Variants in ERMAP observed in about 807,000 individuals in gnomAD.
ERMAP encodes erythroid membrane-associated protein.
ERMAP carries 34 observed loss-of-function variants against 49.5 expected under a neutral mutation model. That is an observed-to-expected ratio of 0.69 (90% CI 0.52 to 0.91). ERMAP has a LOEUF of 0.91. ERMAP is among the 40% of genes least tolerant of loss of function. The pLI, the probability that ERMAP is intolerant of heterozygous loss-of-function variation, is 0.00. For missense variants in ERMAP, 541 were observed against 582.6 expected (o/e 0.93, Z 0.74); for synonymous variants, 214 against 232.2 (o/e 0.92, Z 0.71).
chr1:42,819,763 C>CTTTTTTTTTTTTTTTTTTTTT lies in ERMAP; in HGVS notation c.-122+2522_-122+2523insTTTTTTTTTTTTTTTTTTTTT, dbSNP rs374844500. 6.9e-6 allele frequency among the ~76,000 whole-genome samples: 1 copy of CTTTTTTTTTTTTTTTTTTTTT among 145,376 alleles called. No individual in the cohort carries two copies. ...TGTGAACCAGGTCATTTACCAGTGTCTTTTTTTTTTTTCTTGGCAGCATCC... is the reference window on the plus strand; with the variant it reads ...TGTGAACCAGGTCATTTACCAGTGTCTTTTTTTTTTTTTTTTTTTTTTTTTTTTTTTTTCTTGGCAGCATCC... On this transcript the variant is annotated intron_variant, in intron 1 of 11. Transcript: ENST00000372517. The surrounding 1 kb of genome is among the most constrained non-coding windows in gnomAD (Gnocchi z 5.1).
intron 2 of ERMAP, among the ~76,000 whole-genome samples, chr1:42,829,693 G>A (rs1042591389): frequency 6.6e-6 from 1 of 152,168 alleles, no homozygotes; most frequent in Non-Finnish European, 1.5e-5. Context: ...CAGTTGTTCT[G>A]CCAGGCATTT....
At chr1:42,821,254 G>A (rs1654399222) in intron 1 of ERMAP, among the ~76,000 whole-genome samples, 1 of 152,144 alleles carries the variant, frequency 6.6e-6, no homozygotes, top group African/African-American at 2.4e-5. Context: ...ATCATTTTGG[G>A]AGGTAACAGA....
chr1:42,833,881 C>T (rs1221329760), intron 4 of ERMAP, among the ~76,000 whole-genome samples: 3 of 152,080 alleles, frequency 2.0e-5, no homozygotes, highest in African/African-American at 7.2e-5. Flanking sequence ...ATCCTTGAAA[C>T]GAACTGGAGA....
intron 1 of ERMAP, among the ~76,000 whole-genome samples, chr1:42,820,518 C>T (rs77755380): frequency 0.026 from 3,952 of 152,068 alleles, 72 homozygotes; most frequent in Non-Finnish European, 0.039. Flanking sequence ...AGCTGCTGCA[C>T]CCAGCCAGTT....
chr1:42,826,653 C>T (rs1654560221), intron 2 of ERMAP, among the ~76,000 whole-genome samples: 2 of 151,950 alleles, frequency 1.3e-5, no homozygotes, highest in African/African-American at 2.4e-5. Context: ...GTCAGGAGTT[C>T]GAGACCATCC....
chr1:42,825,535 C>T (rs904494375), intron 1 of ERMAP, 88 bp from the exon 2 acceptor site: 4 of 1,205,552 alleles, frequency 3.3e-6, no homozygotes, highest in Non-Finnish European at 4.2e-6. Flanking sequence ...TTTACAGGGA[C>T]AGCGAGAAGG....
intron 6 of ERMAP, chr1:42,836,902 T>TAA: frequency 4.2e-5 from 12 of 286,892 alleles, no homozygotes; most frequent in East Asian, 1.9e-4. Flanking sequence ...GGTGGCAGAT[T>TAA]TAAAAAAAAA....
At chr1:42,837,034 C>T (rs532208373) in intron 6 of ERMAP, 124 bp from the exon 7 acceptor site, 69 of 923,894 alleles carry the variant, frequency 7.5e-5, no homozygotes, top group South Asian at 3.4e-4. Flanking sequence ...GATTAGAGAC[C>T]GGATCAGGGA....
At chr1:42,840,611 C>T (rs1182100454) in intron 11 of ERMAP, among the ~76,000 whole-genome samples, 1 of 151,804 alleles carries the variant, frequency 6.6e-6, no homozygotes, top group African/African-American at 2.4e-5. Flanking sequence ...TTGTCTGTTC[C>T]TGTTCTATTT....
At position 42,843,234 on chromosome 1, in the gene ERMAP, G is replaced by A. The variant is rs1655120188; in HGVS notation, c.*2G>A. 1 of 1,567,126 alleles carries A rather than the reference G, an allele frequency of 6.4e-7. No individual in the cohort carries two copies. The highest frequency in any genetic ancestry group is 8.6e-7 in the Non-Finnish European group (1 of 1,159,540). On this transcript the variant is annotated 3_prime_UTR_variant, in exon 12 of 12. Transcript: ENST00000372517. ...GAGCTCAAGGCTCCTTCTTTTTAGG[G>A]ATATGCCACATTACCTGCTCCCATC... is the stretch of plus-strand genomic sequence containing the variant.
In ERMAP at chr1:42,830,931, G is replaced by T. The variant is rs1557608647; in HGVS notation, c.249G>T (p.Gly83=). ...RSQAVHIFRD[G]KDQDEDLMPE... ...AGGCTGTTCACATATTCCGGGATGG[G>T]AAGGACCAGGATGAAGATCTGATGC... Residue 83 remains glycine (G), a synonymous_variant, in exon 4 of 12, where the codon GGG becomes GGT. Coordinates refer to ENST00000372517, the MANE Select transcript of ERMAP (RefSeq NM_001017922.2). 1 of 1,614,222 alleles carries T rather than the reference G, an allele frequency of 6.2e-7. No homozygotes were observed. Among genetic ancestry groups the T allele is most frequent in the South Asian group, 1.1e-5 (1 of 91,088 alleles).
rs763586761 is a variant in ERMAP at position 42,843,998 on chromosome 1, C to T, written c.*766C>T. 1.1e-4 allele frequency: 45 copies of T among 398,324 alleles called. No individual in the cohort carries two copies. Among genetic ancestry groups the T allele is most frequent in the Non-Finnish European group, 1.7e-4 (38 of 225,988 alleles). The allele number at this position is 398,324 out of a possible 1,614,324, so 24.7% of individuals were successfully genotyped here. ...GCTGTATGTTGCCCTCTGACCTTGG[C>T]CCAGACCTTCAGAGGCTCAGTCTGT... On this transcript the variant is annotated 3_prime_UTR_variant, in exon 12 of 12. Coordinates refer to ENST00000372517, the MANE Select transcript of ERMAP (RefSeq NM_001017922.2).
At chr1:42,823,542 C>T (rs1266300450) in intron 1 of ERMAP, among the ~76,000 whole-genome samples, 1 of 152,218 alleles carries the variant, frequency 6.6e-6, no homozygotes, top group Non-Finnish European at 1.5e-5. Flanking sequence ...GACAGGTGCA[C>T]TTTATTCATT....
intron 6 of ERMAP, among the ~76,000 whole-genome samples, chr1:42,836,572 T>G (rs187664368): frequency 6.6e-6 from 1 of 152,182 alleles, no homozygotes; most frequent in East Asian, 1.9e-4. Flanking sequence ...TTTGAAAAAC[T>G]TGGCCGGGCA....
intron 4 of ERMAP, among the ~76,000 whole-genome samples, chr1:42,832,450 C>G (rs1336389488): frequency 6.6e-6 from 1 of 152,098 alleles, no homozygotes; most frequent in Non-Finnish European, 1.5e-5. Context: ...TCACCACAAC[C>G]TCCGCCTCCC....
Position 42,833,544 on chromosome 1 carries a change from TAATC to T in ERMAP, c.434-1491_434-1488del, listed in dbSNP as rs1654810013. On this transcript the variant is annotated intron_variant, in intron 4 of 11. Transcript: ENST00000372517. ...CCATGTGGCTATAGAATAATAAAAT[TAATC>T]AAAGCCCTGTTTCTGGGCATCTGGA... 2.6e-5 allele frequency among the ~76,000 whole-genome samples: 4 copies of T among 152,326 alleles called. No homozygotes were observed. In the South Asian group the frequency reaches 8.3e-4, roughly 32 times the overall value.
At chr1:42,825,600 C>A in intron 1 of ERMAP, 23 bp from the exon 2 acceptor site, 1 of 1,276,840 alleles carries the variant, frequency 7.8e-7, no homozygotes, top group Admixed American at 2.4e-5. Context: ...AAAATATGAA[C>A]TTTTCCCGGC....
chr1:42,831,219 T>A, intron 4 of ERMAP, 104 bp downstream of exon 4: 6 of 1,375,236 alleles, frequency 4.4e-6, no homozygotes, highest in Non-Finnish European at 5.9e-6. Context: ...TCATCTGCAG[T>A]GTAGTTTTTA....
chr1:42,834,868 A>G (rs954550911), intron 4 of ERMAP, 170 bp from the exon 5 acceptor site: 3 of 609,886 alleles, frequency 4.9e-6, no homozygotes, highest in African/African-American at 3.7e-5. Context: ...GTTATCTTTA[A>G]TGCTATCCAG....
Sources: allele counts gnomAD v4.1 joint callset (sites outside exome capture counted in the v4.1 genomes callset), GRCh38; gene constraint gnomAD v4.1.1; non-coding constraint Gnocchi (gnomAD v3.1); transcripts MANE v1.5; gene names NCBI Gene and HGNC (gene_info 2026-07-23, HGNC 2026-07-21).